HERC4: variants seen among roughly 807,000 people sequenced by gnomAD.
HERC4 encodes probable E3 ubiquitin-protein ligase HERC4.
In HERC4, 28 loss-of-function variants were observed where a neutral mutation model predicts 124.3. The ratio of observed to expected loss-of-function variants is 0.23; its 90% confidence interval spans 0.17 to 0.31. HERC4 has a LOEUF of 0.31. Among genes scored for constraint, HERC4 ranks in the 10% least tolerant of loss-of-function variants. HERC4 has a pLI of 1.00. For missense variants in HERC4, 713 were observed against 1,229.3 expected (o/e 0.58, Z 6.28); for synonymous variants, 407 against 421.5 (o/e 0.97, Z 0.42).
intron 15 of HERC4, among the ~76,000 whole-genome samples, chr10:67,975,824 T>C (rs1293988002): frequency 6.6e-6 from 1 of 152,204 alleles, no homozygotes; most frequent in Admixed American, 6.5e-5. Context: ...GTTCTTTTTT[T>C]CTCCCACTGT....
At chr10:68,015,461 T>C (rs1233835689) in intron 8 of HERC4, among the ~76,000 whole-genome samples, 2 of 151,812 alleles carry the variant, frequency 1.3e-5, no homozygotes, top group East Asian at 4.0e-4. Flanking sequence ...AGCTAACTAA[T>C]ACATTACCCA....
chr10:68,045,111 A>T (rs1273862176), intron 3 of HERC4, among the ~76,000 whole-genome samples: 1 of 152,226 alleles, frequency 6.6e-6, no homozygotes, highest in Non-Finnish European at 1.5e-5. Context: ...GCTTTAGGTC[A>T]GGAGTTCAAG....
intron 15 of HERC4, among the ~76,000 whole-genome samples, chr10:67,975,965 A>G (rs938485477): frequency 3.9e-5 from 6 of 152,108 alleles, no homozygotes; most frequent in Non-Finnish European, 7.4e-5. Flanking sequence ...TTTCATCCTA[A>G]AAGAAGGGGT....
rs2034055986 is a variant in HERC4 at position 67,955,080 on chromosome 10, T to A, written c.2076A>T (p.Pro692=). The A allele has an allele frequency of 1.3e-6, 2 of 1,593,314 alleles. No homozygotes were observed. Among genetic ancestry groups the A allele is most frequent in the Non-Finnish European group, 1.7e-6 (2 of 1,172,302 alleles). ...HRQNVSSLFL[P]VIESVNPCLI... ...AGCAGGGATTCACAGATTCAATCAC[T>A]GGGAGAAAAAGAGAGGAGACATTCT... Residue 692 remains proline, a synonymous_variant, in exon 18 of 25, where the codon CCA becomes CCT. Transcript: ENST00000373700.
intron 15 of HERC4, among the ~76,000 whole-genome samples, chr10:67,967,639 T>C (rs1374599365): frequency 1.3e-5 from 2 of 152,170 alleles, no homozygotes; most frequent in Non-Finnish European, 2.9e-5. Context: ...CATCAAGTGA[T>C]CTAACTAATC....
intron 16 of HERC4, among the ~76,000 whole-genome samples, chr10:67,963,533 A>G (rs2034659182): frequency 1.3e-5 from 2 of 152,170 alleles, no homozygotes; most frequent in Non-Finnish European, 2.9e-5. Flanking sequence ...ATAATTATAA[A>G]TTTGCTGTGG....
At chr10:67,989,972 A>G (rs1275463450) in intron 14 of HERC4, among the ~76,000 whole-genome samples, 2 of 152,044 alleles carry the variant, frequency 1.3e-5, no homozygotes, top group African/African-American at 4.8e-5. Flanking sequence ...AACTTTCCTA[A>G]TACTGTCTCT....
At chr10:67,943,453 A>G (rs949181008) in intron 19 of HERC4, among the ~76,000 whole-genome samples, 1 of 152,252 alleles carries the variant, frequency 6.6e-6, no homozygotes, top group Non-Finnish European at 1.5e-5. Context: ...AGTAACTTAC[A>G]GCTAATTTGT....
intron 3 of HERC4, 70 bp downstream of exon 3, chr10:68,072,813 T>C (rs1370554904): frequency 1.8e-6 from 2 of 1,085,554 alleles, no homozygotes; most frequent in East Asian, 5.4e-5. Flanking sequence ...CTAGAGAAAT[T>C]ATACGATGAT....
intron 3 of HERC4, among the ~76,000 whole-genome samples, chr10:68,057,984 A>T (rs2040639968): frequency 6.6e-6 from 1 of 152,198 alleles, no homozygotes; most frequent in South Asian, 2.1e-4. Flanking sequence ...TACAGGTGTG[A>T]GCCACCATGC....
At chr10:67,969,648 G>A (rs888376329) in intron 15 of HERC4, among the ~76,000 whole-genome samples, 1 of 152,148 alleles carries the variant, frequency 6.6e-6, no homozygotes, top group Admixed American at 6.5e-5. Context: ...TGCTGAGGGA[G>A]GGAAAAACCT....
At chr10:68,063,383 G>T (rs544737615) in intron 3 of HERC4, among the ~76,000 whole-genome samples, 30 of 151,752 alleles carry the variant, frequency 2.0e-4, no homozygotes, top group Non-Finnish European at 2.6e-4. Flanking sequence ...AATTTTTCTG[G>T]TTTTTTAGTA....
At chr10:67,996,169 T>G (rs992701929) in intron 9 of HERC4, 12 of 447,662 alleles carry the variant, frequency 2.7e-5, no homozygotes, top group Admixed American at 7.2e-5. Context: ...TGGTTAAGCG[T>G]GGTGGCGCAT....
chr10:67,995,165 T>C, intron 9 of HERC4: 1 of 426,464 alleles, frequency 2.3e-6, no homozygotes. Context: ...CAATCACCAT[T>C]TGGTTATTTC....
In HERC4 at chr10:67,932,669, C is replaced by G. The variant is rs1564919476; in HGVS notation, c.2766G>C (p.Leu922=). Reference sequence around the variant, plus strand: ...CTTGTAGTTCATTAGGCTGAAAGAGCAGAAGGACTTTTCCTCCACAGACCT... The same window carrying G: ...CTTGTAGTTCATTAGGCTGAAAGAGGAGAAGGACTTTTCCTCCACAGACCT... ...FHKVCGGKVL[L]LFQPNELQAM... The change falls in exon 23 of 25, where the codon CTG becomes CTC. Residue 922 remains leucine (L), a synonymous_variant. Transcript: ENST00000373700. 2.5e-6 allele frequency: 4 copies of G among 1,608,652 alleles called. No homozygotes were observed. Among genetic ancestry groups the G allele is most frequent in the Non-Finnish European group, 3.4e-6 (4 of 1,178,756 alleles).
At chr10:68,072,712 TA>T (rs1261366969) in intron 3 of HERC4, among the ~76,000 whole-genome samples, 170 bp downstream of exon 3, 1 of 152,022 alleles carries the variant, frequency 6.6e-6, no homozygotes, top group African/African-American at 2.4e-5. Flanking sequence ...AACCACAACA[TA>T]AAGTACTTAG....
intron 4 of HERC4, among the ~76,000 whole-genome samples, chr10:68,043,639 C>A (rs1320187419): frequency 1.3e-5 from 2 of 151,806 alleles, no homozygotes; most frequent in Admixed American, 6.6e-5. Flanking sequence ...ACATGGTGAA[C>A]CCCCATCTCT....
chr10:67,932,392 G>A (rs1247341969), intron 23 of HERC4, among the ~76,000 whole-genome samples: 2 of 152,192 alleles, frequency 1.3e-5, no homozygotes. Flanking sequence ...GGCCAGATGA[G>A]TTTTCTATAT....
chr10:68,069,897 C>G, intron 3 of HERC4: 1 of 413,112 alleles, frequency 2.4e-6, no homozygotes, highest in Non-Finnish European at 3.3e-6. Flanking sequence ...AAAAAATTAC[C>G]CGGGCATGGT....
Sources: allele counts gnomAD v4.1 joint callset (sites outside exome capture counted in the v4.1 genomes callset), GRCh38; gene constraint gnomAD v4.1.1; transcripts MANE v1.5; gene names NCBI Gene and HGNC (gene_info 2026-07-23, HGNC 2026-07-21).